The following RAVER2 variants were observed in gnomAD, a reference collection of about 807,000 sequenced individuals.
RAVER2 encodes the protein ribonucleoprotein, PTB binding 2.
Under a neutral mutation model 78.1 loss-of-function variants are expected in RAVER2, and 46 were observed. The observed-to-expected ratio is 0.59, with a 90% CI of 0.46 to 0.75. The LOEUF is 0.75. Among genes scored for constraint, RAVER2 ranks in the 30% least tolerant of loss-of-function variants. The pLI, the probability that RAVER2 is intolerant of heterozygous loss-of-function variation, is 0.00. For synonymous variants in RAVER2, 311 were observed against 313.3 expected (o/e 0.99, Z 0.08); for missense variants, 793 against 837.5 (o/e 0.95, Z 0.66).
intron 1 of RAVER2, among the ~76,000 whole-genome samples, chr1:64,761,708 AC>A (rs1652026599): frequency 6.6e-6 from 1 of 152,148 alleles, no homozygotes; most frequent in Non-Finnish European, 1.5e-5. Context: ...AACACAATAC[AC>A]CTAGATAAAT....
intron 8 of RAVER2, among the ~76,000 whole-genome samples, 157 bp downstream of exon 8, chr1:64,805,262 A>G (rs1653385975): frequency 2.0e-5 from 3 of 152,160 alleles, no homozygotes; most frequent in African/African-American, 4.8e-5. Flanking sequence ...TCGATTTTCA[A>G]TATTGGTAAG....
intron 11 of RAVER2, among the ~76,000 whole-genome samples, chr1:64,822,639 A>C (rs752058182): frequency 6.6e-6 from 1 of 152,192 alleles, no homozygotes; most frequent in Non-Finnish European, 1.5e-5. Flanking sequence ...CAGTTCATCA[A>C]ATGTTAAACA....
In RAVER2 at chr1:64,745,203, G is replaced by A. The variant is rs1651487839; in HGVS notation, c.31G>A (p.Glu11Lys). The A allele has an allele frequency of 6.7e-6, 7 of 1,041,460 alleles. No homozygotes were observed. The South Asian group carries it at 1.8e-4, about 26-fold the overall frequency. 64.5% of individuals were successfully genotyped at this position (1,041,460 alleles called of 1,614,324 possible). A position where few individuals can be genotyped will look rare whatever the true frequency, so the allele number is the denominator to read the frequency against. ...GGCGGCGGCGGGAGACGGCGGCGGCGAGGGGGGCGCGGGCCTGGGCAGCGC... is the reference window on the plus strand; with the variant it reads ...GGCGGCGGCGGGAGACGGCGGCGGCAAGGGGGGCGCGGGCCTGGGCAGCGC... The change falls in exon 1 of 12, where the codon GAG (glutamate) becomes AAG (lysine). Residue 11 changes from glutamate (E) to lysine (K), a missense_variant. Coordinates refer to ENST00000294428, the Ensembl canonical transcript of RAVER2. The surrounding 1 kb of genome is among the most constrained non-coding windows in gnomAD (Gnocchi z 4.3).
chr1:64,745,232 G>C lies in RAVER2; in HGVS notation c.60G>C (p.Ala20=). The change falls in exon 1 of 12, where the codon GCG becomes GCC. Residue 20 remains alanine, a synonymous_variant. Coordinates refer to ENST00000294428, the Ensembl canonical transcript of RAVER2. This position sits in a 1 kb window ranked among gnomAD's most constrained non-coding sequence, Gnocchi z 4.3. ...GGGGCGCGGGCCTGGGCAGCGCGGC[G>C]GGGCTGGGGCCGGGGCCGGGGCTGC... The C allele has an allele frequency of 1.8e-6, 2 of 1,112,892 alleles. No individual in the cohort carries two copies. The highest frequency in any genetic ancestry group is 2.2e-6 in the Non-Finnish European group (2 of 909,640). 68.9% of individuals were successfully genotyped at this position (1,112,892 alleles called of 1,614,324 possible).
rs186114605 is a variant in RAVER2 at position 64,792,926 on chromosome 1, G to C, written c.1105+3412G>C. Among the ~76,000 whole-genome samples, 353 of 152,252 alleles carry C rather than the reference G, an allele frequency of 2.3e-3. 2 individuals carry two copies. Among genetic ancestry groups the C allele is most frequent in the African/African-American group, 8.0e-3 (334 of 41,532 alleles). On this transcript the variant is annotated intron_variant, in intron 5 of 11. Transcript: ENST00000294428. ...GATAAAGAATTGTAATTCTTGGCTG[G>C]GTGCTGTAGTTCACGCCTGTAATCC...
chr1:64,774,668 T>C (rs1349993985), intron 2 of RAVER2, among the ~76,000 whole-genome samples: 1 of 152,232 alleles, frequency 6.6e-6, no homozygotes, highest in African/African-American at 2.4e-5. Context: ...GGCTCTTTTT[T>C]GGTTCCATAT....
At chr1:64,756,548 T>C (rs1336464209) in intron 1 of RAVER2, among the ~76,000 whole-genome samples, 1 of 152,136 alleles carries the variant, frequency 6.6e-6, no homozygotes, top group Non-Finnish European at 1.5e-5. Flanking sequence ...GATTTTAGAT[T>C]AGCAGAAAAA....
At chr1:64,768,356 G>A (rs1257256364) in intron 1 of RAVER2, among the ~76,000 whole-genome samples, 1 of 151,964 alleles carries the variant, frequency 6.6e-6, no homozygotes, top group African/African-American at 2.4e-5. Context: ...GGGAAATTTA[G>A]TGATATGTTT....
At chr1:64,777,860 A>G (rs1652512550) in exon 3 of RAVER2, 3 of 1,614,026 alleles carry the variant, frequency 1.9e-6, no homozygotes, top group Non-Finnish European at 2.5e-6. Context: ...TCCAAAGGCT[A>G]TGGATTTGTG....
chr1:64,802,993 C>G, exon 6 of RAVER2: 1 of 1,609,372 alleles, frequency 6.2e-7, no homozygotes. Flanking sequence ...TGGAACACCT[C>G]ACAGCTTGCC....
intron 11 of RAVER2, among the ~76,000 whole-genome samples, chr1:64,826,771 C>T (rs1288955951): frequency 6.6e-6 from 1 of 152,060 alleles, no homozygotes; most frequent in Non-Finnish European, 1.5e-5. Context: ...GTGGTACAAT[C>T]CAAGTAAAAA....
intron 11 of RAVER2, among the ~76,000 whole-genome samples, chr1:64,817,655 A>G (rs1014326365): frequency 4.6e-5 from 7 of 151,622 alleles, no homozygotes; most frequent in East Asian, 1.9e-4. Flanking sequence ...TCACAAGGAC[A>G]GAAAACCAAA....
exon 9 of RAVER2, chr1:64,807,352 G>A (rs1467310174): frequency 1.2e-6 from 2 of 1,614,120 alleles, no homozygotes. Flanking sequence ...AATGGCAGAA[G>A]GAAATTTCTC....
chr1:64,771,160 GA>G (rs1426779149), intron 2 of RAVER2, among the ~76,000 whole-genome samples: 1 of 151,738 alleles, frequency 6.6e-6, no homozygotes, highest in Non-Finnish European at 1.5e-5. Flanking sequence ...AAAGCAGCCA[GA>G]AAAAAAGTAT....
intron 9 of RAVER2, among the ~76,000 whole-genome samples, chr1:64,808,611 A>G (rs1570574580): frequency 6.6e-6 from 1 of 151,576 alleles, no homozygotes; most frequent in Non-Finnish European, 1.5e-5. Flanking sequence ...ACATGCACAC[A>G]CCGCCATACC....
chr1:64,830,013 A>G (rs961158705), intron 11 of RAVER2, among the ~76,000 whole-genome samples: 5 of 152,158 alleles, frequency 3.3e-5, no homozygotes, highest in Non-Finnish European at 5.9e-5. Flanking sequence ...TTCAAAAACA[A>G]TTGCAGTTTT....
At chr1:64,778,125 T>TA (rs765043584) in intron 3 of RAVER2, 33 bp downstream of exon 3, 2 of 1,429,242 alleles carry the variant, frequency 1.4e-6, no homozygotes, top group South Asian at 2.7e-5. Flanking sequence ...TGAAATATTT[T>TA]AAAATATATA....
chr1:64,763,828 A>T (rs1419150085), intron 1 of RAVER2, among the ~76,000 whole-genome samples: 1 of 148,968 alleles, frequency 6.7e-6, no homozygotes, highest in African/African-American at 2.5e-5. Context: ...ACTTGAACCC[A>T]GGAGGTGGAG....
chr1:64,810,908 T>G (rs1414001046), intron 9 of RAVER2, among the ~76,000 whole-genome samples: 1 of 152,106 alleles, frequency 6.6e-6, no homozygotes, highest in Non-Finnish European at 1.5e-5. Flanking sequence ...TTTGGAAATT[T>G]GAAAAAGTTT....
Sources: gnomAD v4.1 joint callset for allele counts (sites outside exome capture counted in the v4.1 genomes callset) on GRCh38, gnomAD v4.1.1 for gene constraint, Gnocchi (gnomAD v3.1) non-coding constraint, MANE v1.5 for transcripts, NCBI Gene and HGNC (gene_info 2026-07-23, HGNC 2026-07-21) for gene names.